Variants in DPP6 observed in about 807,000 individuals in gnomAD.
DPP6 encodes the protein dipeptidyl peptidase like 6, also known as A-type potassium channel modulatory protein DPP6.
In DPP6, 69 loss-of-function variants were observed where a neutral mutation model predicts 122.6. The observed-to-expected ratio is 0.56, with a 90% CI of 0.46 to 0.69. The LOEUF is 0.69. Among genes scored for constraint, DPP6 ranks in the 30% least tolerant of loss-of-function variants. The pLI, the probability that DPP6 is intolerant of heterozygous loss-of-function variation, is 0.00. For synonymous variants in DPP6, 418 were observed against 433.1 expected, an observed-to-expected ratio of 0.97 and a Z score of 0.43; for missense variants, 928 against 1,116.9, an observed-to-expected ratio of 0.83 and a Z score of 2.41.
At chr7:154,559,719 C>G (rs550969890) in intron 4 of DPP6, among the ~76,000 whole-genome samples, 1 of 151,988 alleles carries the variant, frequency 6.6e-6, no homozygotes, top group Admixed American at 6.6e-5. Context: ...GCATAAAACA[C>G]TGTCAGTCTA....
intron 1 of DPP6, among the ~76,000 whole-genome samples, chr7:154,357,057 G>T (rs752777223): frequency 1.3e-5 from 2 of 152,082 alleles, no homozygotes; most frequent in Non-Finnish European, 2.9e-5. Context: ...CAACACTATT[G>T]ATAAAATGAA....
chr7:154,276,225 A>G (rs975618982), intron 1 of DPP6, among the ~76,000 whole-genome samples: 1 of 152,204 alleles, frequency 6.6e-6, no homozygotes, highest in Non-Finnish European at 1.5e-5. Context: ...CCATTTTAGA[A>G]AAAAAGCCAC....
chr7:154,246,883 A>G (rs1802015115), intron 1 of DPP6, among the ~76,000 whole-genome samples: 1 of 152,242 alleles, frequency 6.6e-6, no homozygotes, highest in East Asian at 1.9e-4. Flanking sequence ...GTGGAAGAAA[A>G]TAATGGAAAA....
intron 8 of DPP6, among the ~76,000 whole-genome samples, chr7:154,739,829 C>T (rs1429911303): frequency 6.6e-6 from 1 of 152,202 alleles, no homozygotes; most frequent in Non-Finnish European, 1.5e-5. Flanking sequence ...ATGGGAGAAA[C>T]CCCAGTGTCC....
intron 1 of DPP6, among the ~76,000 whole-genome samples, chr7:154,329,342 G>A (rs1239565496): frequency 6.6e-6 from 1 of 152,218 alleles, no homozygotes; most frequent in Non-Finnish European, 1.5e-5. Flanking sequence ...AATGTGGCTG[G>A]TGATCAGGGA....
intron 3 of DPP6, among the ~76,000 whole-genome samples, chr7:154,520,396 A>G (rs1232329246): frequency 6.6e-6 from 1 of 152,258 alleles, no homozygotes. Flanking sequence ...GGGGACTATC[A>G]TGCTCTATCC....
chr7:154,304,882 C>T (rs2150985163), intron 1 of DPP6, among the ~76,000 whole-genome samples: 1 of 152,306 alleles, frequency 6.6e-6, no homozygotes, highest in Non-Finnish European at 1.5e-5. Flanking sequence ...TCCAGGTACG[C>T]GCTGTCTGGC....
chr7:154,268,017 C>T (rs11769809), intron 1 of DPP6, among the ~76,000 whole-genome samples: 61,183 of 147,442 alleles, frequency 0.41, 13,452 homozygotes, highest in South Asian at 0.54. Context: ...TTATCCCTTA[C>T]GAACAAAAGC....
intron 1 of DPP6, among the ~76,000 whole-genome samples, chr7:154,195,841 C>T (rs1798838924): frequency 6.6e-6 from 1 of 152,152 alleles, no homozygotes; most frequent in Non-Finnish European, 1.5e-5. Context: ...TGTGTCCTTG[C>T]ACTCCCTGCC....
At chr7:154,786,177 A>G (rs1014999683) in intron 10 of DPP6, among the ~76,000 whole-genome samples, 1 of 152,132 alleles carries the variant, frequency 6.6e-6, no homozygotes, top group African/African-American at 2.4e-5. Flanking sequence ...CAGGAAGTAA[A>G]TTTTCTGAAT....
intron 1 of DPP6, among the ~76,000 whole-genome samples, chr7:154,294,897 A>G (rs1805435906): frequency 1.3e-5 from 2 of 152,172 alleles, no homozygotes. Context: ...AGCCCCAGAA[A>G]TGTCACCTGG....
At chr7:154,200,155 T>G (rs1206321654) in intron 1 of DPP6, among the ~76,000 whole-genome samples, 1 of 152,224 alleles carries the variant, frequency 6.6e-6, no homozygotes, top group East Asian at 1.9e-4. Context: ...GTCCAGGGTG[T>G]AGCTTGGCTT....
chr7:153,950,022 T>C (rs974711246), intron 1 of DPP6, among the ~76,000 whole-genome samples: 4 of 152,046 alleles, frequency 2.6e-5, no homozygotes, highest in Admixed American at 6.5e-5. Context: ...CGATTTGGTA[T>C]AAGAAAGAAA....
intron 4 of DPP6, among the ~76,000 whole-genome samples, chr7:154,553,777 TCAAA>T (rs888043855): frequency 2.0e-5 from 3 of 151,978 alleles, no homozygotes; most frequent in African/African-American, 7.2e-5. Context: ...AGCCACCGCT[TCAAA>T]CACTGTGTTC....
chr7:153,792,899 A>T, the DPP6 span, among the ~76,000 whole-genome samples: 3 of 152,174 alleles, frequency 2.0e-5, no homozygotes, highest in African/African-American at 7.2e-5. Context: ...TGATGGGTTT[A>T]TCAGGGGTTT....
At chr7:154,545,288 T>C (rs1239345077) in intron 4 of DPP6, among the ~76,000 whole-genome samples, 1 of 152,212 alleles carries the variant, frequency 6.6e-6, no homozygotes, top group Non-Finnish European at 1.5e-5. Context: ...CTTGTTTTTT[T>C]TTCCTAAAAA....
intron 6 of DPP6, among the ~76,000 whole-genome samples, chr7:154,650,347 A>C (rs983258184): frequency 3.3e-5 from 5 of 150,954 alleles, no homozygotes; most frequent in African/African-American, 1.2e-4. Flanking sequence ...AAAGGAGTGG[A>C]GAGGAGGGCA....
At chr7:154,835,024 C>T (rs1023008527) in intron 16 of DPP6, among the ~76,000 whole-genome samples, 3 of 152,312 alleles carry the variant, frequency 2.0e-5, no homozygotes, top group East Asian at 1.9e-4. Flanking sequence ...GGTCAGTGTG[C>T]ACCAAATGGA....
At chr7:154,427,454 G>A (rs1439397473) in intron 1 of DPP6, among the ~76,000 whole-genome samples, 1 of 152,158 alleles carries the variant, frequency 6.6e-6, no homozygotes, top group Non-Finnish European at 1.5e-5. Context: ...TTACTCAAAA[G>A]TACAGTGATT....
Sources: gnomAD v4.1 joint callset for allele counts (sites outside exome capture counted in the v4.1 genomes callset) on GRCh38, gnomAD v4.1.1 for gene constraint, MANE v1.5 for transcripts, NCBI Gene and HGNC (gene_info 2026-07-23, HGNC 2026-07-21) for gene names.